Variants in CTNNA2 observed in about 807,000 individuals in gnomAD.
CTNNA2 encodes catenin alpha 2.
Under a neutral mutation model 101.0 loss-of-function variants are expected in CTNNA2, and 42 were observed. The ratio of observed to expected loss-of-function variants is 0.42; its 90% CI spans 0.32 to 0.54. CTNNA2 has a LOEUF of 0.54. Ranked by LOEUF, CTNNA2 falls within the 20% of genes least tolerant of loss-of-function variation. CTNNA2 has a pLI of 0.14. For missense variants in CTNNA2, 871 were observed against 1,223.1 expected, an observed-to-expected ratio of 0.71 and a Z score of 4.29; for synonymous variants, 450 against 456.4, an observed-to-expected ratio of 0.99 and a Z score of 0.18.
At chr2:80,089,014 G>T (rs1699616202) in intron 7 of CTNNA2, among the ~76,000 whole-genome samples, 1 of 151,906 alleles carries the variant, frequency 6.6e-6, no homozygotes, top group Admixed American at 6.6e-5. Flanking sequence ...ACTGTGTTTA[G>T]CTCAGTGTTT....
intron 3 of CTNNA2, among the ~76,000 whole-genome samples, chr2:79,337,133 G>C (rs1024816013): frequency 4.6e-5 from 7 of 152,084 alleles, no homozygotes; most frequent in African/African-American, 1.7e-4. Flanking sequence ...CCAAAGCTTT[G>C]CTTCTTTGAA....
intron 7 of CTNNA2, among the ~76,000 whole-genome samples, chr2:80,321,731 G>T (rs183430715): frequency 5.3e-5 from 8 of 152,144 alleles, no homozygotes; most frequent in Non-Finnish European, 1.0e-4. Flanking sequence ...ATGCATGCAC[G>T]CATGTACTTG....
chr2:79,218,325 G>A (rs1261716801), intron 2 of CTNNA2, among the ~76,000 whole-genome samples: 2 of 76,012 alleles, frequency 2.6e-5, no homozygotes, highest in Non-Finnish European at 5.8e-5. Context: ...GTGTGTGTGT[G>A]TGTGTGTGTG....
intron 4 of CTNNA2, among the ~76,000 whole-genome samples, chr2:79,468,257 C>G (rs1421628198): frequency 6.6e-6 from 1 of 151,848 alleles, no homozygotes; most frequent in Non-Finnish European, 1.5e-5. Context: ...GACTTTAAAC[C>G]AAAAAAGATC....
At chr2:79,247,415 C>A (rs1292206766) in intron 2 of CTNNA2, among the ~76,000 whole-genome samples, 2 of 152,118 alleles carry the variant, frequency 1.3e-5, no homozygotes, top group East Asian at 3.9e-4. Flanking sequence ...AGCTCTTGTC[C>A]CACTATAATG....
intron 4 of CTNNA2, among the ~76,000 whole-genome samples, chr2:79,433,580 T>G (rs909349406): frequency 3.8e-4 from 55 of 143,660 alleles, no homozygotes; most frequent in African/African-American, 1.4e-3. Context: ...TCCTCTGTAC[T>G]GGAAAATTAT....
chr2:79,583,009 T>G (rs1209269734), intron 1 of CTNNA2, among the ~76,000 whole-genome samples: 1 of 152,100 alleles, frequency 6.6e-6, no homozygotes, highest in Non-Finnish European at 1.5e-5. Context: ...GAGTCTAGCT[T>G]CTTTCACTGA....
At chr2:79,936,865 T>G (rs571215521) in intron 7 of CTNNA2, among the ~76,000 whole-genome samples, 1 of 152,258 alleles carries the variant, frequency 6.6e-6, no homozygotes, top group African/African-American at 2.4e-5. Context: ...CTTAGATTTT[T>G]CTCTTATCTC....
At chr2:80,447,095 T>G (rs1683134274) in intron 9 of CTNNA2, among the ~76,000 whole-genome samples, 2 of 152,198 alleles carry the variant, frequency 1.3e-5, no homozygotes, top group African/African-American at 4.8e-5. Flanking sequence ...TAAGTGTTAC[T>G]TCAGTTAAAT....
intron 7 of CTNNA2, among the ~76,000 whole-genome samples, chr2:79,944,419 A>G (rs796651324): frequency 3.3e-4 from 50 of 152,358 alleles, no homozygotes; most frequent in African/African-American, 1.1e-3. Flanking sequence ...TTCAGAAAAA[A>G]AGTTTGGACT....
intron 3 of CTNNA2, among the ~76,000 whole-genome samples, chr2:79,851,386 G>A (rs183694613): frequency 2.3e-4 from 35 of 152,280 alleles, no homozygotes; most frequent in Middle Eastern, 3.4e-3. Context: ...CTGAATTACC[G>A]TTTTAAGATT....
chr2:80,080,085 G>A lies in CTNNA2; in HGVS notation c.1056+170288G>A, dbSNP rs188621589. On this transcript the variant is annotated intron_variant, in intron 7 of 18. Transcript: ENST00000402739. ...GTTGGTCTGAAGGTTCAAGTGTGGC[G>A]GAGACTGGTTCCCCCAGTGTCCTCC... Among the ~76,000 whole-genome samples, 34 of 152,200 alleles carry A rather than the reference G, an allele frequency of 2.2e-4. No homozygotes were observed. In the East Asian group the frequency reaches 6.0e-3, roughly 27 times the overall value.
chr2:80,442,385 A>G (rs1263566904), intron 9 of CTNNA2, among the ~76,000 whole-genome samples: 4 of 152,196 alleles, frequency 2.6e-5, no homozygotes, highest in African/African-American at 9.6e-5. Context: ...ACTGCCAGGA[A>G]CGCAGGACCA....
At chr2:80,366,687 G>T (rs1221128122) in intron 7 of CTNNA2, among the ~76,000 whole-genome samples, 2 of 152,072 alleles carry the variant, frequency 1.3e-5, no homozygotes, top group Admixed American at 6.6e-5. Context: ...TTCCTCCGCT[G>T]CTGTTGTTGC....
chr2:80,405,736 T>C (rs996837198), intron 8 of CTNNA2, among the ~76,000 whole-genome samples: 6 of 152,172 alleles, frequency 3.9e-5, no homozygotes, highest in South Asian at 2.1e-4. Flanking sequence ...GGTGCATTCA[T>C]TGAGAAATGG....
intron 4 of CTNNA2, among the ~76,000 whole-genome samples, chr2:79,377,749 C>T (rs533693019): frequency 6.2e-4 from 94 of 152,250 alleles, no homozygotes; most frequent in African/African-American, 2.2e-3. Context: ...TAGCATCTAG[C>T]CAGGCTTTTC....
At chr2:79,318,393 G>T (rs1329741412) in intron 3 of CTNNA2, among the ~76,000 whole-genome samples, 1 of 152,104 alleles carries the variant, frequency 6.6e-6, no homozygotes, top group Non-Finnish European at 1.5e-5. Context: ...TATTGAATAT[G>T]CATTGACTTG....
chr2:80,640,958 C>T (rs528369646), intron 18 of CTNNA2, among the ~76,000 whole-genome samples: 4 of 152,296 alleles, frequency 2.6e-5, no homozygotes, highest in East Asian at 3.9e-4. Flanking sequence ...TTTAGAACAA[C>T]CCCCTTAAAA....
intron 1 of CTNNA2, among the ~76,000 whole-genome samples, chr2:79,591,907 AATTT>A (rs1329077933): frequency 1.5e-4 from 12 of 81,940 alleles, no homozygotes; most frequent in African/African-American, 5.2e-4. Context: ...TTGAAAAAAA[AATTT>A]TTTTTTTTTT....
Sources: allele counts gnomAD v4.1 joint callset (sites outside exome capture counted in the v4.1 genomes callset), GRCh38; gene constraint gnomAD v4.1.1; transcripts MANE v1.5; gene names NCBI Gene and HGNC (gene_info 2026-07-23, HGNC 2026-07-21).